CTNNA2: variants seen among roughly 807,000 people sequenced by gnomAD.
CTNNA2 encodes catenin alpha 2, also known as catenin alpha-2.
A neutral mutation model predicts 101.0 loss-of-function variants in CTNNA2; 42 were observed. The observed-to-expected ratio is 0.42, with a 90% CI of 0.32 to 0.54. The LOEUF (loss-of-function observed/expected upper bound fraction) is 0.54. Among genes scored for constraint, CTNNA2 ranks in the 20% least tolerant of loss-of-function variants. The pLI is 0.14. For synonymous variants in CTNNA2, 450 were observed against 456.4 expected, an observed-to-expected ratio of 0.99 and a Z score of 0.18; for missense variants, 871 against 1,223.1, an observed-to-expected ratio of 0.71 and a Z score of 4.29.
At chr2:80,360,869 A>G (rs1239977549) in intron 7 of CTNNA2, among the ~76,000 whole-genome samples, 1 of 152,122 alleles carries the variant, frequency 6.6e-6, no homozygotes, top group East Asian at 1.9e-4. Context: ...TAACTTGAAT[A>G]TGCTACTGTT....
intron 1 of CTNNA2, among the ~76,000 whole-genome samples, chr2:79,638,023 A>C (rs1203274557): frequency 6.6e-6 from 1 of 152,184 alleles, no homozygotes; most frequent in Non-Finnish European, 1.5e-5. Flanking sequence ...TCTGATACAC[A>C]TGTTGTTACT....
intron 3 of CTNNA2, among the ~76,000 whole-genome samples, chr2:79,783,612 A>T (rs1368255641): frequency 6.6e-6 from 1 of 152,080 alleles, no homozygotes; most frequent in Non-Finnish European, 1.5e-5. Context: ...ACTCTGTCTT[A>T]ATTTTTACAT....
intron 9 of CTNNA2, among the ~76,000 whole-genome samples, chr2:80,485,763 C>T (rs1370377516): frequency 6.6e-6 from 1 of 152,052 alleles, no homozygotes; most frequent in Non-Finnish European, 1.5e-5. Context: ...AAAGTCCAGC[C>T]AGGGCACTTT....
chr2:79,873,960 G>A, intron 5 of CTNNA2, 116 bp from the exon 6 acceptor site: 3 of 1,457,212 alleles, frequency 2.1e-6, no homozygotes, highest in Non-Finnish European at 1.8e-6. Context: ...GCTAGAAACA[G>A]CACAAGGGTT....
chr2:80,394,212 G>T (rs1677789915), intron 8 of CTNNA2, among the ~76,000 whole-genome samples: 1 of 152,216 alleles, frequency 6.6e-6, no homozygotes, highest in South Asian at 2.1e-4. Context: ...TGCTCCTGCA[G>T]TGTGTTAAGT....
At chr2:80,640,027 G>T (rs1400071926) in intron 18 of CTNNA2, among the ~76,000 whole-genome samples, 1 of 151,936 alleles carries the variant, frequency 6.6e-6, no homozygotes, top group Non-Finnish European at 1.5e-5. Context: ...GCTTGAACCC[G>T]GTAGGCGGAG....
chr2:79,232,015 T>A (rs924291092), intron 2 of CTNNA2, among the ~76,000 whole-genome samples: 2 of 152,204 alleles, frequency 1.3e-5, no homozygotes, highest in African/African-American at 4.8e-5. Flanking sequence ...AGAGATAGAT[T>A]AACTTGTTAT....
intron 2 of CTNNA2, among the ~76,000 whole-genome samples, chr2:79,730,430 G>GT (rs1248808946): frequency 1.3e-5 from 2 of 151,958 alleles, no homozygotes; most frequent in Admixed American, 6.6e-5. Context: ...GGAAAAAACT[G>GT]TTTTTATATA....
chr2:79,750,592 G>A (rs1487864316), intron 3 of CTNNA2, among the ~76,000 whole-genome samples: 1 of 152,222 alleles, frequency 6.6e-6, no homozygotes, highest in Admixed American at 6.5e-5. Context: ...GCCGGGCGTG[G>A]CGACTTGCGC....
intron 4 of CTNNA2, among the ~76,000 whole-genome samples, chr2:79,465,895 G>A (rs1053827840): frequency 6.6e-6 from 1 of 152,112 alleles, no homozygotes; most frequent in Non-Finnish European, 1.5e-5. Context: ...AGACGATGGG[G>A]GTTTTCTAAA....
At chr2:80,310,972 C>G (rs78951431) in intron 7 of CTNNA2, among the ~76,000 whole-genome samples, 4 of 96,404 alleles carry the variant, frequency 4.1e-5, no homozygotes, top group African/African-American at 1.4e-4. Flanking sequence ...GACTCCATCT[C>G]AAAAAAAAAA....
At chr2:79,866,438 G>A (rs1574171948) in intron 4 of CTNNA2, 4 of 152,266 alleles carry the variant, frequency 2.6e-5, no homozygotes, top group Admixed American at 2.6e-4. Context: ...CATTTTTAAT[G>A]GGAAAGGGTA....
At chr2:79,651,185 A>G (rs908907746) in intron 1 of CTNNA2, among the ~76,000 whole-genome samples, 14 of 152,124 alleles carry the variant, frequency 9.2e-5, no homozygotes, top group Admixed American at 2.0e-4. Flanking sequence ...TTGTTCCCAT[A>G]TTTGGCTATC....
intron 13 of CTNNA2, 110 bp from the exon 14 acceptor site, chr2:80,581,596 A>T (rs371205344): frequency 6.3e-5 from 44 of 695,214 alleles, no homozygotes; most frequent in East Asian, 4.5e-4. Context: ...GCTATGTAGG[A>T]TGCTATAAGC....
chr2:80,639,522 T>A (rs1179000654), intron 18 of CTNNA2, among the ~76,000 whole-genome samples: 3 of 113,686 alleles, frequency 2.6e-5, no homozygotes, highest in African/African-American at 1.5e-4. Context: ...GATGTGTGTG[T>A]GTGTGTGTGT....
intron 1 of CTNNA2, among the ~76,000 whole-genome samples, chr2:79,530,346 T>A (rs1268842686): frequency 6.6e-6 from 1 of 152,174 alleles, no homozygotes; most frequent in African/African-American, 2.4e-5. Context: ...AACAAAGATA[T>A]TTTACTGTTA....
In CTNNA2 at chr2:80,435,876, G is replaced by A. The variant is rs191998254; in HGVS notation, c.1290+16275G>A. On this transcript the variant is annotated intron_variant, in intron 9 of 18. Transcript: ENST00000402739. Reference sequence around the variant, plus strand: ...GGAAAATAAATCTTTCATACAGTTAGCATCTTTCCATAGTGCCCTGACATA... The same window carrying A: ...GGAAAATAAATCTTTCATACAGTTAACATCTTTCCATAGTGCCCTGACATA... 2.6e-5 allele frequency among the ~76,000 whole-genome samples: 4 copies of A among 152,228 alleles called. No individual in the cohort carries two copies. In the East Asian group the frequency reaches 7.7e-4, roughly 29 times the overall value.
At chr2:80,307,239 A>G (rs1219361497) in intron 7 of CTNNA2, among the ~76,000 whole-genome samples, 2 of 152,068 alleles carry the variant, frequency 1.3e-5, no homozygotes, top group African/African-American at 4.8e-5. Flanking sequence ...GCTTTATTGA[A>G]ATTTAGCTAT....
At chr2:80,521,760 G>A (rs115045310) in intron 9 of CTNNA2, among the ~76,000 whole-genome samples, 1,600 of 152,192 alleles carry the variant, frequency 0.011, 30 homozygotes, top group African/African-American at 0.036. Flanking sequence ...ATTTTAGCCC[G>A]GCGAGCCCCA....
Sources: allele counts gnomAD v4.1 joint callset (sites outside exome capture counted in the v4.1 genomes callset), GRCh38; gene constraint gnomAD v4.1.1; transcripts MANE v1.5; gene names NCBI Gene and HGNC (gene_info 2026-07-23, HGNC 2026-07-21).